The following KRT40 variants were observed in gnomAD, a reference collection of about 807,000 sequenced individuals.
KRT40 encodes keratin 40, also known as keratin, type I cytoskeletal 40.
In KRT40, 47 loss-of-function variants were observed where a neutral mutation model predicts 43.5. That is an observed-to-expected ratio of 1.08 (90% CI 0.86 to 1.38). The LOEUF (loss-of-function observed/expected upper bound fraction) is 1.38, where lower values mean the gene tolerates loss of function less well. Ranked by LOEUF, KRT40 falls within the 40% of genes most tolerant of loss-of-function variation. The probability of loss-of-function intolerance (pLI) is 0.00; values close to 1 mark genes in which losing one functional copy is unlikely to be tolerated. For synonymous variants in KRT40, 212 were observed against 214.0 expected, an observed-to-expected ratio of 0.99 and a Z score of 0.08; for missense variants, 573 against 523.6, an observed-to-expected ratio of 1.09 and a Z score of -0.92.
chr17:40,986,602 C>A (rs1282616025), upstream of KRT40, among the ~76,000 whole-genome samples: 2 of 152,064 alleles, frequency 1.3e-5, no homozygotes, highest in Admixed American at 1.3e-4. Flanking sequence ...TTGATAAATT[C>A]TTCTTACCCC....
Position 40,984,096 on chromosome 17 carries a change from G to A in KRT40, c.178C>T (p.Leu60=), listed in dbSNP as rs1157040009. 2.5e-6 allele frequency: 4 copies of A among 1,614,034 alleles called. No homozygotes were observed. The highest frequency in any genetic ancestry group is 3.4e-6 in the Non-Finnish European group (4 of 1,180,034). The part of the protein sequence containing the change: ...SRSRGLTGCL[L]PCYFTGSCNS... ...CAACTCCCAGTAAAGTAGCATGGCAGGAGGCAACCAGTCAGCCCGCGAGAC... is the reference window on the plus strand; with the variant it reads ...CAACTCCCAGTAAAGTAGCATGGCAAGAGGCAACCAGTCAGCCCGCGAGAC... The change falls in exon 1 of 7, where the codon CTG becomes TTG. Residue 60 remains leucine, a synonymous_variant. Coordinates refer to ENST00000377755, the MANE Select transcript of KRT40 (RefSeq NM_001389244.1).
chr17:40,984,860 A>AGTTGTGTGTGTGTGTGTGTGTGTGTGT (rs551051327), upstream of KRT40, among the ~76,000 whole-genome samples: 2 of 151,448 alleles, frequency 1.3e-5, no homozygotes, highest in Admixed American at 1.3e-4. Context: ...TTGGGTTTAA[A>AGTTGTGTGTGTGTGTGTGTGTGTGTGT]GTGTGTGTGT....
chr17:40,981,580 C>T (rs1023685447), intron 3 of KRT40, among the ~76,000 whole-genome samples: 5 of 152,110 alleles, frequency 3.3e-5, no homozygotes, highest in South Asian at 2.1e-4. Context: ...TTTATAAATG[C>T]GGAATATTTA....
At position 40,983,077 on chromosome 17, in the gene KRT40, A is replaced by G. The variant is rs201440838; in HGVS notation, c.499T>C (p.Cys167Arg). 3.3e-6 allele frequency: 5 copies of G among 1,497,536 alleles called. No homozygotes were observed. In the African/African-American group the frequency reaches 7.0e-5, roughly 21 times the overall value. 92.8% of individuals were successfully genotyped at this position (1,497,536 alleles called of 1,614,324 possible). The change falls in exon 2 of 7, where the codon TGC becomes CGC. Residue 167 changes from cysteine to arginine, a missense_variant. Coordinates refer to ENST00000377755, the MANE Select transcript of KRT40 (RefSeq NM_001389244.1). ...TTAAAGTCATCAGTGGCCAGTTTGC[A>G]GTTGTCAAGCTGTACAGCAAGTCTA... ...NSRLAVQLDN[C>R]KLATDDFKSK...
chr17:40,984,361 C>G (rs1282636424), upstream of KRT40: 2 of 991,254 alleles, frequency 2.0e-6, no homozygotes, highest in Non-Finnish European at 3.0e-6. Context: ...TTATAACCCC[C>G]CAAAATGGGT....
intron 6 of KRT40, 130 bp downstream of exon 6, chr17:40,978,674 G>C (rs1002413897): frequency 9.8e-6 from 7 of 715,502 alleles, no homozygotes; most frequent in Middle Eastern, 4.0e-4. Flanking sequence ...CCACTTTTCA[G>C]CACTTTTTTA....
intron 3 of KRT40, among the ~76,000 whole-genome samples, chr17:40,981,947 C>T (rs375175088): frequency 2.6e-5 from 4 of 151,966 alleles, no homozygotes; most frequent in African/African-American, 2.4e-5. Flanking sequence ...GGTAAGATCT[C>T]GGCTCACTGC....
rs377149131 is a variant in KRT40, at chr17:40,978,784, T to A, written c.1196+20A>T. ...CTCTTTGTGACTCTGGGGGATTTCATGAGTAACTGTGGAACTTGCCTGCTG... is the reference window on the plus strand; with the variant it reads ...CTCTTTGTGACTCTGGGGGATTTCAAGAGTAACTGTGGAACTTGCCTGCTG... On this transcript the variant is annotated intron_variant, in intron 6 of 6. Coordinates refer to ENST00000377755, the MANE Select transcript of KRT40 (RefSeq NM_001389244.1). 6.9e-6 allele frequency: 11 copies of A among 1,597,120 alleles called. No homozygotes were observed. The highest frequency in any genetic ancestry group is 9.4e-6 in the Non-Finnish European group (11 of 1,167,386).
intron 3 of KRT40, among the ~76,000 whole-genome samples, chr17:40,982,046 T>G (rs1000944830): frequency 3.3e-5 from 5 of 151,686 alleles, no homozygotes; most frequent in Admixed American, 2.6e-4. Flanking sequence ...GCCCAGCTAA[T>G]TTTTGTATTT....
At position 40,978,944 on chromosome 17, in the gene KRT40, AT is replaced by A; in HGVS notation, c.1055del (p.Asp352ValfsTer27). 1.2e-6 allele frequency: 2 copies of A among 1,614,096 alleles called. No individual in the cohort carries two copies. The highest frequency in any genetic ancestry group is 1.7e-6 in the Non-Finnish European group (2 of 1,179,996). ...TCTCGGCCAGCTGGTTCTCCAGGTTATCGATCAGACACTGAATTTGGGCCAG... is the reference window on the plus strand; with the variant it reads ...TCTCGGCCAGCTGGTTCTCCAGGTTACGATCAGACACTGAATTTGGGCCAG... ...SQLAQIQCLIDNLENQLAEIR... is the reference protein window; with the variant it reads ...SQLAQIQCLIXNLENQLAEIR... On this transcript the variant is annotated frameshift_variant, in exon 6 of 7. Coordinates refer to ENST00000377755, the MANE Select transcript of KRT40 (RefSeq NM_001389244.1). LOFTEE classifies it high-confidence loss of function.
At position 40,982,320 on chromosome 17, in the gene KRT40, T is replaced by G. The variant is rs775157352; in HGVS notation, c.674A>C (p.Lys225Thr). 1.1e-5 allele frequency: 18 copies of G among 1,583,674 alleles called. No homozygotes were observed. ...SLKEDLLCLK[K>T]NHEEEVNLLR... ...CACTTTCCTTACCTCTTCATGGTTTTTCTTAAGGCAAAGGAGATCTTCCTT... is the reference window on the plus strand; with the variant it reads ...CACTTTCCTTACCTCTTCATGGTTTGTCTTAAGGCAAAGGAGATCTTCCTT... Residue 225 changes from lysine (K) to threonine (T), a missense_variant, in exon 3 of 7, where the codon AAA (lysine) becomes ACA (threonine). By Grantham distance (78) the Lys-to-Thr change is moderately conservative. Coordinates refer to ENST00000377755, the MANE Select transcript of KRT40 (RefSeq NM_001389244.1).
rs369387095 is a variant in KRT40, at chr17:40,982,324, T to C, written c.670A>G (p.Lys224Glu). The C allele has an allele frequency of 3.1e-5, 49 of 1,585,838 alleles. No homozygotes were observed. Among genetic ancestry groups the C allele is most frequent in the Non-Finnish European group, 3.9e-5 (46 of 1,169,094 alleles). Reference sequence around the variant, plus strand: ...TTCCTTACCTCTTCATGGTTTTTCTTAAGGCAAAGGAGATCTTCCTTCAGA... The same window carrying C: ...TTCCTTACCTCTTCATGGTTTTTCTCAAGGCAAAGGAGATCTTCCTTCAGA... ...ESLKEDLLCLKKNHEEEVNLL... is the reference protein window; with the variant it reads ...ESLKEDLLCLEKNHEEEVNLL... Residue 224 changes from lysine to glutamate, a missense_variant, in exon 3 of 7, where the codon AAG becomes GAG. By Grantham distance (56) the Lys-to-Glu change is moderately conservative. Transcript: ENST00000377755.
chr17:40,982,522 G>A, intron 2 of KRT40, 59 bp from the exon 3 acceptor site: 1 of 1,374,654 alleles, frequency 7.3e-7, no homozygotes, highest in Non-Finnish European at 9.6e-7. Flanking sequence ...CAAAGTGTGG[G>A]GATACATGGA....
chr17:40,979,504 A>G (rs1912013665), intron 5 of KRT40, among the ~76,000 whole-genome samples: 1 of 63,780 alleles, frequency 1.6e-5, no homozygotes, highest in African/African-American at 1.8e-4. Context: ...TCCGTCCAAA[A>G]AAAAAAAAAA....
upstream of KRT40, among the ~76,000 whole-genome samples, chr17:40,984,616 A>T (rs924209460): frequency 2.0e-5 from 3 of 152,206 alleles, no homozygotes; most frequent in Non-Finnish European, 4.4e-5. Flanking sequence ...AATTTGGCCA[A>T]TGAATAATTA....
At chr17:40,986,954 A>G (rs527332185), upstream of KRT40, 2 of 152,118 alleles carry the variant, frequency 1.3e-5, no homozygotes, top group African/African-American at 4.8e-5. Flanking sequence ...GTTCTGTCTC[A>G]CAAACCCTAA....
chr17:40,983,710 T>C (rs1912304171), intron 1 of KRT40, 117 bp downstream of exon 1: 2 of 1,014,920 alleles, frequency 2.0e-6, no homozygotes, highest in East Asian at 2.4e-5. Flanking sequence ...TATGTATCAC[T>C]AACTCTTAGA....
chr17:40,978,062 G>A lies in KRT40; in HGVS notation c.*135C>T. On this transcript the variant is annotated 3_prime_UTR_variant, in exon 7 of 7. Coordinates refer to ENST00000377755, the MANE Select transcript of KRT40 (RefSeq NM_001389244.1). ...GGAAATAGTAAAGCAGAAAGACTGA[G>A]GATACCTGGAGGGCAATTCCAGGAT... 3.1e-6 allele frequency: 2 copies of A among 645,804 alleles called. No individual in the cohort carries two copies. The highest frequency in any genetic ancestry group is 3.7e-5 in the South Asian group (2 of 53,390). 40.0% of individuals were successfully genotyped at this position (645,804 alleles called of 1,614,324 possible).
At position 40,980,851 on chromosome 17, in the gene KRT40, C is replaced by T. The variant is rs1488168592; in HGVS notation, c.909G>A (p.Met303Ile). ...SSAEQLQGCQ[M>I]EILELKRTAS... ...CTGTGCGTTTCAGTTCCAAGATCTC[C>T]ATCTGGCAGCCCTGCAGCTGCTCCG... The change falls in exon 5 of 7, where the codon ATG becomes ATA. Residue 303 changes from methionine to isoleucine, a missense_variant. By Grantham distance (10) the Met-to-Ile change is conservative. Transcript: ENST00000377755. 4 of 1,613,330 alleles carry T rather than the reference C, an allele frequency of 2.5e-6. No homozygotes were observed. Among genetic ancestry groups the T allele is most frequent in the East Asian group, 4.5e-5 (2 of 44,894 alleles).
Sources: gnomAD v4.1 joint callset for allele counts (sites outside exome capture counted in the v4.1 genomes callset) on GRCh38, gnomAD v4.1.1 for gene constraint, MANE v1.5 for transcripts, NCBI Gene and HGNC (gene_info 2026-07-23, HGNC 2026-07-21) for gene names.